POU2F1: variants seen among roughly 807,000 people sequenced by gnomAD.
The protein encoded by POU2F1 is POU domain, class 2, transcription factor 1.
POU2F1 carries 16 observed loss-of-function variants against 84.9 expected under a neutral mutation model. That is an observed-to-expected ratio of 0.19 (90% CI 0.13 to 0.29). The LOEUF (loss-of-function observed/expected upper bound fraction) is 0.29, where lower values mean the gene tolerates loss of function less well. Among genes scored for constraint, POU2F1 ranks in the 10% least tolerant of loss-of-function variants. The pLI is 1.00. For synonymous variants in POU2F1, 368 were observed against 368.3 expected (o/e 1.00, Z 0.01); for missense variants, 738 against 942.6 (o/e 0.78, Z 2.84).
At chr1:167,363,072 G>A (rs111226833) in intron 2 of POU2F1, among the ~76,000 whole-genome samples, 5 of 152,246 alleles carry the variant, frequency 3.3e-5, no homozygotes, top group African/African-American at 1.2e-4. Flanking sequence ...CAGAACCAGG[G>A]CACTTAAATA....
intron 1 of POU2F1, among the ~76,000 whole-genome samples, chr1:167,293,433 T>G (rs539434522): frequency 6.6e-6 from 1 of 152,198 alleles, no homozygotes; most frequent in South Asian, 2.1e-4. Context: ...AGGTGAAAGA[T>G]CTCTATAAGG....
At chr1:167,243,570 G>C (rs1218880039) in intron 1 of POU2F1, among the ~76,000 whole-genome samples, 2 of 152,180 alleles carry the variant, frequency 1.3e-5, no homozygotes, top group Admixed American at 1.3e-4. Context: ...CTGCCTCCCA[G>C]GTTCAAGAGA....
At chr1:167,313,117 C>T (rs1260702329) in intron 1 of POU2F1, among the ~76,000 whole-genome samples, 1 of 152,082 alleles carries the variant, frequency 6.6e-6, no homozygotes, top group Non-Finnish European at 1.5e-5. Context: ...GTTGTAAATC[C>T]AACAAAACAT....
intron 2 of POU2F1, chr1:167,357,641 A>G (rs1328223409): frequency 6.6e-6 from 1 of 151,408 alleles, no homozygotes; most frequent in Non-Finnish European, 1.5e-5. Context: ...AGCCTCCCAA[A>G]ATGCTAGGAT....
chr1:167,328,263 G>C (rs1656839233), intron 1 of POU2F1, among the ~76,000 whole-genome samples: 1 of 152,000 alleles, frequency 6.6e-6, no homozygotes, highest in Admixed American at 6.6e-5. Flanking sequence ...CTGTTAATTT[G>C]GTAATATAAA....
intron 2 of POU2F1, among the ~76,000 whole-genome samples, chr1:167,338,723 A>G (rs1440527956): frequency 6.6e-6 from 1 of 152,312 alleles, no homozygotes; most frequent in East Asian, 1.9e-4. Context: ...TGTTCTCAAG[A>G]TTATTCCGTA....
At chr1:167,386,632 A>G (rs915261102) in intron 8 of POU2F1, among the ~76,000 whole-genome samples, 8 of 152,214 alleles carry the variant, frequency 5.3e-5, no homozygotes, top group African/African-American at 1.9e-4. Flanking sequence ...ACCTAAATAT[A>G]CATCAGCTGG....
chr1:167,231,783 G>C (rs776564482), intron 1 of POU2F1, among the ~76,000 whole-genome samples: 14 of 152,200 alleles, frequency 9.2e-5, no homozygotes, highest in Non-Finnish European at 2.1e-4. Flanking sequence ...ATCTGGACAA[G>C]AGGATTTGGG....
At position 167,401,456 on chromosome 1, in the gene POU2F1, G is replaced by T; in HGVS notation, c.1455G>T (p.Ala485=). 6.2e-7 allele frequency: 1 copy of T among 1,609,160 alleles called. No individual in the cohort carries two copies. The highest frequency in any genetic ancestry group is 1.1e-5 in the South Asian group (1 of 90,320). The part of the protein sequence containing the change: ...AIFPSPTSLV[A]TTPSLVTSSA... ...TTTTCATTTCTGACCTCAAGGTGGC[G>T]ACCACACCAAGCCTTGTGACTAGCA... is the stretch of plus-strand genomic sequence containing the variant. The change falls in exon 13 of 16, where the codon GCG becomes GCT. Residue 485 remains alanine (A), a synonymous_variant. Coordinates refer to ENST00000367866, the MANE Select transcript of POU2F1 (RefSeq NM_002697.4).
In POU2F1 at chr1:167,370,149, G is replaced by T; in HGVS notation, c.229-12G>T. On this transcript the variant is annotated splice_polypyrimidine_tract_variant and intron_variant, in intron 3 of 15. Transcript: ENST00000367866. ...ACAGTATTAAACTAGAACTTCCCCT[G>T]ATTACTTATAGGTCCAACTCGCTGG... is the stretch of plus-strand genomic sequence containing the variant. 6.2e-7 allele frequency: 1 copy of T among 1,600,172 alleles called. No homozygotes were observed. Among genetic ancestry groups the T allele is most frequent in the Non-Finnish European group, 8.5e-7 (1 of 1,170,598 alleles).
Position 167,416,998 on chromosome 1 carries a change from C to G in POU2F1, c.*1188C>G, listed in dbSNP as rs748553341. ...TTCATCCAAACTTTAACTAACTTGG[C>G]AAAGAAAAAAAACTGACTTACTGAA... On this transcript the variant is annotated 3_prime_UTR_variant, in exon 16 of 16. Transcript: ENST00000367866. 2 of 151,768 alleles carry G rather than the reference C, an allele frequency of 1.3e-5. No individual in the cohort carries two copies. Among genetic ancestry groups the G allele is most frequent in the Non-Finnish European group, 2.9e-5 (2 of 67,956 alleles). The allele number at this position is 151,768 out of a possible 1,614,324, so 9.4% of individuals were successfully genotyped here.
intron 8 of POU2F1, 117 bp downstream of exon 8, chr1:167,384,068 C>G (rs1446166468): frequency 1.2e-6 from 1 of 818,706 alleles, no homozygotes; most frequent in Non-Finnish European, 1.8e-6. Flanking sequence ...CGAAAACTGA[C>G]CAGAAAATCA....
intron 1 of POU2F1, among the ~76,000 whole-genome samples, chr1:167,275,780 AC>A (rs1652690590): frequency 6.6e-6 from 1 of 152,212 alleles, no homozygotes; most frequent in African/African-American, 2.4e-5. Flanking sequence ...TACATGGAAG[AC>A]TGCTACATCC....
rs1656955371 is a variant in POU2F1, at chr1:167,329,746, A to T, written c.62-2724A>T. Among the ~76,000 whole-genome samples, 3 of 152,192 alleles carry T rather than the reference A, an allele frequency of 2.0e-5. No individual in the cohort carries two copies. In the South Asian group the frequency reaches 6.2e-4, roughly 32 times the overall value. On this transcript the variant is annotated intron_variant, in intron 1 of 15. Transcript: ENST00000367866. ...AAATGCTCAGTGAAAAATAAGGTTG[A>T]GTCACAATGCAGAATAGTTTTTATA...
intron 1 of POU2F1, among the ~76,000 whole-genome samples, chr1:167,291,227 A>G (rs1653902495): frequency 6.6e-6 from 1 of 152,194 alleles, no homozygotes; most frequent in African/African-American, 2.4e-5. Flanking sequence ...TCATTTTCTT[A>G]TTTATACAAT....
intron 1 of POU2F1, among the ~76,000 whole-genome samples, chr1:167,315,451 A>G (rs1655814547): frequency 6.6e-6 from 1 of 152,128 alleles, no homozygotes; most frequent in Non-Finnish European, 1.5e-5. Context: ...GAAACAGCCA[A>G]AAAGTCCCTC....
intron 1 of POU2F1, among the ~76,000 whole-genome samples, chr1:167,276,191 G>A (rs1267291979): frequency 6.6e-6 from 1 of 152,184 alleles, no homozygotes; most frequent in Non-Finnish European, 1.5e-5. Flanking sequence ...ACTCTGTTCT[G>A]CCGAGGACGT....
At chr1:167,351,227 G>A (rs970180729) in intron 2 of POU2F1, among the ~76,000 whole-genome samples, 1 of 152,082 alleles carries the variant, frequency 6.6e-6, no homozygotes, top group Admixed American at 6.5e-5. Context: ...GGTGGCACGT[G>A]CCTGTAATCT....
chr1:167,406,512 G>A (rs1022791466), intron 13 of POU2F1, among the ~76,000 whole-genome samples: 2 of 152,032 alleles, frequency 1.3e-5, no homozygotes, highest in African/African-American at 4.8e-5. Flanking sequence ...TCGTCCTGGA[G>A]GTTATAGCCT....
Sources: allele counts gnomAD v4.1 joint callset (sites outside exome capture counted in the v4.1 genomes callset), GRCh38; gene constraint gnomAD v4.1.1; transcripts MANE v1.5; gene names NCBI Gene and HGNC (gene_info 2026-07-23, HGNC 2026-07-21).